LCN15: variants seen among roughly 807,000 people sequenced by gnomAD.
LCN15 encodes lipocalin-15.
LCN15 carries 26 observed loss-of-function variants against 23.1 expected under a neutral mutation model. The observed-to-expected ratio is 1.13, with a 90% confidence interval of 0.82 to 1.56. LCN15 has a LOEUF of 1.56. LCN15 is among the 40% of genes most tolerant of loss of function. The pLI, the probability that LCN15 is intolerant of heterozygous loss-of-function variation, is 0.00. For missense variants in LCN15, 241 were observed against 239.5 expected (o/e 1.01, Z -0.04); for synonymous variants, 107 against 98.3 (o/e 1.09, Z -0.52).
In LCN15 at chr9:136,761,097, T is replaced by C. The variant is rs1847312153; in HGVS notation, c.*32+690A>G. Among the ~76,000 whole-genome samples, 1 of 152,030 alleles carries C rather than the reference T, an allele frequency of 6.6e-6. No individual in the cohort carries two copies. The highest frequency in any genetic ancestry group is 6.5e-5 in the Admixed American group (1 of 15,274). On this transcript the variant is annotated intron_variant, in intron 6 of 6. Transcript: ENST00000316144. The surrounding 1 kb of genome is among the most constrained non-coding windows in gnomAD (Gnocchi z 4.2). ...AGGACGGAGGCGGAGACAGGGCTGA[T>C]GCTTCCACAGGCCAAGAAATGCCCA...
rs552556606 is a variant in LCN15 at position 136,762,807 on chromosome 9, C to T, written c.419-518G>A. 9.9e-5 allele frequency among the ~76,000 whole-genome samples: 15 copies of T among 151,944 alleles called. No homozygotes were observed. In the East Asian group the frequency reaches 2.9e-3, roughly 29 times the overall value. ...GCATGGTGATGGGCGCCTGTAGTCC[C>T]AGCTTATCGGGGGGCTGAGGCAGGA... On this transcript the variant is annotated intron_variant, in intron 4 of 6. Transcript: ENST00000316144.
chr9:136,761,671 TG>T lies in LCN15; in HGVS notation c.*32+115del. ...AATGTCTAAGCTGAGGCCTGAAGCA[TG>T]GGGTCGCCAGGCAGAACAGCGGGGC... On this transcript the variant is annotated intron_variant, in intron 6 of 6. Coordinates refer to ENST00000316144, the MANE Select transcript of LCN15 (RefSeq NM_203347.2). This position sits in a 1 kb window ranked among gnomAD's most constrained non-coding sequence, Gnocchi z 4.2. 1 of 442,242 alleles carries T rather than the reference TG, an allele frequency of 2.3e-6. No individual in the cohort carries two copies. The highest frequency in any genetic ancestry group is 3.8e-6 in the Non-Finnish European group (1 of 263,680). 27.4% of individuals were successfully genotyped at this position (442,242 alleles called of 1,614,324 possible).
chr9:136,760,822 C>CTGTG (rs777435808), intron 6 of LCN15, among the ~76,000 whole-genome samples: 9 of 152,228 alleles, frequency 5.9e-5, no homozygotes, highest in African/African-American at 1.9e-4. Context: ...GGACACAGAG[C>CTGTG]TGTGGATTGA....
chr9:136,763,265 C>T, intron 4 of LCN15, 92 bp downstream of exon 4: 1 of 583,872 alleles, frequency 1.7e-6, no homozygotes, highest in South Asian at 2.3e-5. Flanking sequence ...CGCGGGGCGG[C>T]AGGCGGGCGG....
At position 136,764,435 on chromosome 9, in the gene LCN15, A is replaced by G. The variant is rs1290220975; in HGVS notation, c.54T>C (p.Ala18=). ...CAGGCTGCAGCAGAACCTCAGCCTG[A>G]GCCGTGGGCGCCCAGAGCAGGGTCA... ...AILTLLWAPT[A]QAEVLLQPDF... is the part of the protein sequence containing the mutation. The change falls in exon 1 of 7, where the codon GCT becomes GCC. Residue 18 remains alanine, a synonymous_variant. Coordinates refer to ENST00000316144, the MANE Select transcript of LCN15 (RefSeq NM_203347.2). The G allele has an allele frequency of 1.9e-6, 3 of 1,613,276 alleles. No homozygotes were observed. Among genetic ancestry groups the G allele is most frequent in the Middle Eastern group, 1.7e-4 (1 of 6,058 alleles).
chr9:136,762,092 G>A (rs774168362), intron 5 of LCN15, 96 bp downstream of exon 5: 4 of 838,468 alleles, frequency 4.8e-6, no homozygotes, highest in East Asian at 3.0e-5. Context: ...CCTGCTGCCC[G>A]CACACTGCCT....
In LCN15 at chr9:136,761,731, G is replaced by T; in HGVS notation, c.*32+56C>A. 1.2e-6 allele frequency: 1 copy of T among 840,632 alleles called. No homozygotes were observed. Among genetic ancestry groups the T allele is most frequent in the Non-Finnish European group, 1.6e-6 (1 of 625,232 alleles). 52.1% of individuals were successfully genotyped at this position (840,632 alleles called of 1,614,324 possible). On this transcript the variant is annotated intron_variant, in intron 6 of 6. Coordinates refer to ENST00000316144, the MANE Select transcript of LCN15 (RefSeq NM_203347.2). The surrounding 1 kb of genome is among the most constrained non-coding windows in gnomAD (Gnocchi z 4.2). ...GGCAGACAGAACCAGATGTCAAGCT[G>T]CGATAGGGAGGGGAGAGGCAACCAG... is the stretch of plus-strand genomic sequence containing the variant.
In LCN15 at chr9:136,762,104, T is replaced by A. The variant is rs923308974; in HGVS notation, c.520+84A>T. ...CCACCTGCTGCCCGCACACTGCCTGTGCTGTGAGGGGAAGGAAGGGTGGGC... is the reference window on the plus strand; with the variant it reads ...CCACCTGCTGCCCGCACACTGCCTGAGCTGTGAGGGGAAGGAAGGGTGGGC... On this transcript the variant is annotated intron_variant, in intron 5 of 6. Transcript: ENST00000316144. The A allele has an allele frequency of 3.3e-5, 30 of 896,922 alleles. No individual in the cohort carries two copies. The African/African-American group carries it at 3.8e-4, about 11-fold the overall frequency. The allele number at this position is 896,922 out of a possible 1,614,324, so 55.6% of individuals were successfully genotyped here. A position where few individuals can be genotyped will look rare whatever the true frequency, so the allele number is the denominator to read the frequency against.
Position 136,761,207 on chromosome 9 carries a change from A to G in LCN15, c.*32+580T>C, listed in dbSNP as rs7046391. Among the ~76,000 whole-genome samples, 108,558 of 152,118 alleles carry G rather than the reference A, an allele frequency of 0.71. 40,559 individuals are homozygous for G. The highest frequency in any genetic ancestry group is 0.87 in the East Asian group (4,498 of 5,180). On this transcript the variant is annotated intron_variant, in intron 6 of 6. Transcript: ENST00000316144. This position sits in a 1 kb window ranked among gnomAD's most constrained non-coding sequence, Gnocchi z 4.2. Reference sequence around the variant, plus strand: ...TTCCAGAGGAACCAGCCCTGTGGACATCTTGATTTTGGACTTCTGGCCTCC... The same window carrying G: ...TTCCAGAGGAACCAGCCCTGTGGACGTCTTGATTTTGGACTTCTGGCCTCC...
intron 4 of LCN15, 87 bp downstream of exon 4, chr9:136,763,269 CG>C (rs1200269890): frequency 1.9e-6 from 1 of 539,702 alleles, no homozygotes; most frequent in Non-Finnish European, 2.7e-6. Context: ...GGGCGGCAGG[CG>C]GGCGGGGCGG....
rs199520824 is a variant in LCN15, at chr9:136,763,726, G to A, written c.294C>T (p.His98=). ...GGCAGGACCTACCCGGGACTCTGAAGTGTCCCTCGGAGCCCACCTTCAGGT... is the reference window on the plus strand; with the variant it reads ...GGCAGGACCTACCCGGGACTCTGAAATGTCCCTCGGAGCCCACCTTCAGGT... ...AEYLKVGSEG[H]FRVPALGYLD... Residue 98 remains histidine (H), a synonymous_variant, in exon 3 of 7, where the codon CAC becomes CAT. Coordinates refer to ENST00000316144, the MANE Select transcript of LCN15 (RefSeq NM_203347.2). The A allele has an allele frequency of 1.2e-6, 2 of 1,613,398 alleles. No individual in the cohort carries two copies. The highest frequency in any genetic ancestry group is 2.7e-5 in the African/African-American group (2 of 75,018).
chr9:136,762,717 C>T (rs1005952820), intron 4 of LCN15, among the ~76,000 whole-genome samples: 1 of 152,094 alleles, frequency 6.6e-6, no homozygotes, highest in Non-Finnish European at 1.5e-5. Context: ...CTGGCTAACA[C>T]GGTGAAACCC....
Position 136,764,450 on chromosome 9 carries a change from G to T in LCN15, c.39C>A (p.Leu13=), listed in dbSNP as rs1341694296. ...SFLLGAILTL[L]WAPTAQAEVL... Reference sequence around the variant, plus strand: ...CCTCAGCCTGAGCCGTGGGCGCCCAGAGCAGGGTCAGGATTGCGCCGAGCA... The same window carrying T: ...CCTCAGCCTGAGCCGTGGGCGCCCATAGCAGGGTCAGGATTGCGCCGAGCA... The change falls in exon 1 of 7, where the codon CTC becomes CTA. Residue 13 remains leucine (L), a synonymous_variant. Coordinates refer to ENST00000316144, the MANE Select transcript of LCN15 (RefSeq NM_203347.2). The T allele has an allele frequency of 6.2e-7, 1 of 1,613,182 alleles. No homozygotes were observed. The highest frequency in any genetic ancestry group is 8.5e-7 in the Non-Finnish European group (1 of 1,179,828).
intron 4 of LCN15, among the ~76,000 whole-genome samples, chr9:136,762,796 G>C (rs963465740): frequency 6.6e-6 from 1 of 151,910 alleles, no homozygotes; most frequent in African/African-American, 2.4e-5. Flanking sequence ...GGTGATGGGC[G>C]CCTGTAGTCC....
chr9:136,760,015 C>T (rs557794428), intron 6 of LCN15, among the ~76,000 whole-genome samples: 49 of 152,360 alleles, frequency 3.2e-4, no homozygotes, highest in African/African-American at 1.0e-3. Context: ...CCACCTTCCC[C>T]GGCGCGGGAG....
chr9:136,763,447 G>T lies in LCN15; in HGVS notation c.328C>A (p.Arg110Ser), dbSNP rs1487970100. ...RVPALGYLDV[R>S]IVDTDYSSFA... ...GAGCTGTAGTCTGTGTCCACGATGC[G>T]CACGTCCAGGTAGCCCAAGGCTGCG... The change falls in exon 4 of 7, where the codon CGC becomes AGC. Residue 110 changes from arginine (R) to serine (S), a missense_variant. Physicochemically the swap from Arg to Ser is moderately radical, Grantham distance 110. Transcript: ENST00000316144. The T allele has an allele frequency of 1.9e-6, 3 of 1,608,220 alleles. No homozygotes were observed. The highest frequency in any genetic ancestry group is 2.7e-5 in the African/African-American group (2 of 74,804).
intron 6 of LCN15, among the ~76,000 whole-genome samples, chr9:136,760,623 G>A (rs1045044535): frequency 3.3e-5 from 5 of 152,226 alleles, no homozygotes; most frequent in East Asian, 1.9e-4. Flanking sequence ...GGGACCCAGC[G>A]GTCTCCCGGC....
At chr9:136,763,285 A>T in intron 4 of LCN15, 72 bp downstream of exon 4, 1 of 594,724 alleles carries the variant, frequency 1.7e-6, no homozygotes, top group Non-Finnish European at 2.4e-6. Context: ...GGGCGGGGGT[A>T]GGCAGAACGG....
At position 136,764,099 on chromosome 9, in the gene LCN15, C is replaced by G; in HGVS notation, c.97-90G>C. Reference sequence around the variant, plus strand: ...CCCAGGGGACAACTCAGAAGTCACACAGCAAGGGGTCTCGGAGTGGCCATG... The same window carrying G: ...CCCAGGGGACAACTCAGAAGTCACAGAGCAAGGGGTCTCGGAGTGGCCATG... On this transcript the variant is annotated intron_variant, in intron 1 of 6. Transcript: ENST00000316144. 2.0e-6 allele frequency: 3 copies of G among 1,513,986 alleles called. No individual in the cohort carries two copies. In the South Asian group the frequency reaches 3.6e-5, roughly 18 times the overall value. 93.8% of individuals were successfully genotyped at this position (1,513,986 alleles called of 1,614,324 possible).
Sources: gnomAD v4.1 joint callset for allele counts (sites outside exome capture counted in the v4.1 genomes callset) on GRCh38, gnomAD v4.1.1 for gene constraint, Gnocchi (gnomAD v3.1) non-coding constraint, MANE v1.5 for transcripts, NCBI Gene and HGNC (gene_info 2026-07-23, HGNC 2026-07-21) for gene names.